Variants in SMIM19 observed in about 807,000 individuals in gnomAD.
The protein encoded by SMIM19 is UPF0697 protein C8orf40.
Under a neutral mutation model 13.2 loss-of-function variants are expected in SMIM19, and 6 were observed. The ratio of observed to expected loss-of-function variants is 0.45; its 90% CI spans 0.25 to 0.90. The LOEUF (loss-of-function observed/expected upper bound fraction) is 0.90. Ranked by LOEUF, SMIM19 falls within the 40% of genes least tolerant of loss-of-function variation. The pLI is 0.19. For missense variants in SMIM19, 138 were observed against 131.0 expected, an observed-to-expected ratio of 1.05 and a Z score of -0.26; for synonymous variants, 46 against 43.1, an observed-to-expected ratio of 1.07 and a Z score of -0.27.
At position 42,552,689 on chromosome 8, in the gene SMIM19, T is replaced by C; in HGVS notation, c.*81T>C. The C allele has an allele frequency of 6.9e-7, 1 of 1,443,268 alleles. No homozygotes were observed. The highest frequency in any genetic ancestry group is 1.2e-5 in the South Asian group (1 of 84,066). The allele number at this position is 1,443,268 out of a possible 1,614,324, so 89.4% of individuals were successfully genotyped here. On this transcript the variant is annotated 3_prime_UTR_variant, in exon 4 of 4. Coordinates refer to ENST00000417410, the MANE Select transcript of SMIM19 (RefSeq NM_001135674.2). The stretch of plus-strand genomic sequence containing the variant: ...TAAATCATGAACAGCTTTAAAAACA[T>C]TTCTGTCTGCATAAAATTATTTTAC...
chr8:42,546,710 C>T (rs748125111), intron 2 of SMIM19, 104 bp downstream of exon 2: 60 of 1,378,696 alleles, frequency 4.4e-5, no homozygotes, highest in Admixed American at 2.1e-4. Context: ...TCAGGCTGGA[C>T]GCAGTGGCTC....
At chr8:42,543,044 T>C (rs1813325394) in intron 1 of SMIM19, among the ~76,000 whole-genome samples, 2 of 152,172 alleles carry the variant, frequency 1.3e-5, no homozygotes, top group African/African-American at 4.8e-5. Context: ...CAACCCCTAG[T>C]TGTAATATAT....
At chr8:42,550,865 G>A (rs2923448) in intron 3 of SMIM19, among the ~76,000 whole-genome samples, 82,667 of 151,974 alleles carry the variant, frequency 0.54, 22,847 homozygotes, top group Middle Eastern at 0.64. Flanking sequence ...TGTTCGTGAT[G>A]TATTTTGTCC....
chr8:42,550,427 C>T (rs1036326606), intron 3 of SMIM19, among the ~76,000 whole-genome samples: 1 of 152,186 alleles, frequency 6.6e-6, no homozygotes, highest in Non-Finnish European at 1.5e-5. Flanking sequence ...GTGCTAACTT[C>T]AGGGTGCCTG....
At chr8:42,552,035 TA>T (rs1813692771) in intron 3 of SMIM19, among the ~76,000 whole-genome samples, 1 of 152,206 alleles carries the variant, frequency 6.6e-6, no homozygotes, top group African/African-American at 2.4e-5. Flanking sequence ...ATAATAAACA[TA>T]TAAAAATGGG....
intron 3 of SMIM19, among the ~76,000 whole-genome samples, chr8:42,549,208 T>G (rs1164066147): frequency 1.3e-5 from 2 of 152,014 alleles, no homozygotes; most frequent in Admixed American, 1.3e-4. Flanking sequence ...GGTCAGGAGT[T>G]CAAGACCAGG....
intron 2 of SMIM19, among the ~76,000 whole-genome samples, chr8:42,546,992 A>G (rs1813515004): frequency 6.6e-6 from 1 of 152,080 alleles, no homozygotes; most frequent in Admixed American, 6.5e-5. Context: ...AAATTTCATT[A>G]TAATTTTTGT....
At chr8:42,544,092 G>T (rs918591038) in intron 1 of SMIM19, among the ~76,000 whole-genome samples, 1 of 152,172 alleles carries the variant, frequency 6.6e-6, no homozygotes, top group Non-Finnish European at 1.5e-5. Flanking sequence ...ATTTAGTTTT[G>T]AGGAATAAGA....
intron 2 of SMIM19, among the ~76,000 whole-genome samples, chr8:42,547,535 T>C (rs1443954135): frequency 3.9e-5 from 6 of 152,208 alleles, no homozygotes; most frequent in Admixed American, 3.9e-4. Flanking sequence ...CTTAAGTCCC[T>C]GAATGCAGAA....
At chr8:42,548,610 ATAGACATT>A in intron 2 of SMIM19, 38 bp from the exon 3 acceptor site, 1 of 1,609,578 alleles carries the variant, frequency 6.2e-7, no homozygotes, top group Non-Finnish European at 8.5e-7. Context: ...TTACAACTCT[ATAGACATT>A]AATACAAACA....
At chr8:42,548,913 A>C in intron 3 of SMIM19, 133 bp downstream of exon 3, 1 of 935,326 alleles carries the variant, frequency 1.1e-6, no homozygotes, top group Non-Finnish European at 1.5e-6. Flanking sequence ...GATGTTTAAT[A>C]TGTTTTTCAG....
intron 3 of SMIM19, among the ~76,000 whole-genome samples, chr8:42,550,346 G>A (rs1297263563): frequency 6.6e-6 from 1 of 152,130 alleles, no homozygotes; most frequent in African/African-American, 2.4e-5. Context: ...TACCACAAAT[G>A]TAGTGGCTTA....
In SMIM19 at chr8:42,552,933, A is replaced by G; in HGVS notation, c.*325A>G. On this transcript the variant is annotated 3_prime_UTR_variant, in exon 4 of 4. Transcript: ENST00000417410. Reference sequence around the variant, plus strand: ...AAGTGGGAATCCTGGAGTTTATGCCATTTGCAATATTAAAAAATAAAAATG... The same window carrying G: ...AAGTGGGAATCCTGGAGTTTATGCCGTTTGCAATATTAAAAAATAAAAATG... 1 of 241,322 alleles carries G rather than the reference A, an allele frequency of 4.1e-6. No homozygotes were observed. The highest frequency in any genetic ancestry group is 8.0e-5 in the East Asian group (1 of 12,470). The allele number at this position is 241,322 out of a possible 1,614,324, so 14.9% of individuals were successfully genotyped here.
chr8:42,543,784 T>C (rs1216254538), intron 1 of SMIM19, among the ~76,000 whole-genome samples: 1 of 152,218 alleles, frequency 6.6e-6, no homozygotes, highest in Non-Finnish European at 1.5e-5. Context: ...TGGCCAGTGC[T>C]GTATGGTTCC....
chr8:42,553,322 C>T lies in SMIM19; in HGVS notation c.*714C>T, dbSNP rs1395346116. 1 of 152,160 alleles carries T rather than the reference C, an allele frequency of 6.6e-6. No individual in the cohort carries two copies. The highest frequency in any genetic ancestry group is 6.5e-5 in the Admixed American group (1 of 15,274). 9.4% of individuals were successfully genotyped at this position (152,160 alleles called of 1,614,324 possible). ...TTTTTCCTCATTATGCTCCCAGGAGCGAGTTTGTTTTTATCCCCGTTTCAT... is the reference window on the plus strand; with the variant it reads ...TTTTTCCTCATTATGCTCCCAGGAGTGAGTTTGTTTTTATCCCCGTTTCAT... On this transcript the variant is annotated 3_prime_UTR_variant, in exon 4 of 4. Coordinates refer to ENST00000417410, the MANE Select transcript of SMIM19 (RefSeq NM_001135674.2).
intron 1 of SMIM19, among the ~76,000 whole-genome samples, chr8:42,544,051 A>G (rs973165715): frequency 6.6e-6 from 1 of 151,944 alleles, no homozygotes; most frequent in Non-Finnish European, 1.5e-5. Flanking sequence ...CTTACTATAA[A>G]CCATAAAGTT....
chr8:42,544,008 C>T (rs1813385262), intron 1 of SMIM19, among the ~76,000 whole-genome samples: 1 of 152,140 alleles, frequency 6.6e-6, no homozygotes, highest in Admixed American at 6.5e-5. Context: ...GTCTGGGCTT[C>T]CAAAAGTTTC....
chr8:42,550,216 A>G (rs905529609), intron 3 of SMIM19, among the ~76,000 whole-genome samples: 1 of 152,336 alleles, frequency 6.6e-6, no homozygotes, highest in South Asian at 2.1e-4. Flanking sequence ...GCTCAGTAAC[A>G]TAGCAGATAC....
At chr8:42,548,909 T>G (rs1213852911) in intron 3 of SMIM19, 129 bp downstream of exon 3, 1 of 947,708 alleles carries the variant, frequency 1.1e-6, no homozygotes, top group Non-Finnish European at 1.5e-6. Flanking sequence ...TTCAGATGTT[T>G]AATATGTTTT....
Sources: gnomAD v4.1 joint callset for allele counts (sites outside exome capture counted in the v4.1 genomes callset) on GRCh38, gnomAD v4.1.1 for gene constraint, MANE v1.5 for transcripts, NCBI Gene and HGNC (gene_info 2026-07-23, HGNC 2026-07-21) for gene names.